The following RAD51B variants were observed in gnomAD, a reference collection of about 807,000 sequenced individuals.
The protein encoded by RAD51B is RAD51 paralog B.
Under a neutral mutation model 42.2 loss-of-function variants are expected in RAD51B, and 38 were observed. The ratio of observed to expected loss-of-function variants is 0.90; its 90% CI spans 0.70 to 1.18. The LOEUF (loss-of-function observed/expected upper bound fraction) is 1.18, where lower values mean the gene tolerates loss of function less well. Ranked by LOEUF, RAD51B falls within the 50% of genes most tolerant of loss-of-function variation. The pLI is 0.00. For synonymous variants in RAD51B, 154 were observed against 145.2 expected (o/e 1.06, Z -0.43); for missense variants, 373 against 400.7 (o/e 0.93, Z 0.59).
rs564253685 is a variant in RAD51B at position 68,298,091 on chromosome 14, C to T, written c.853+6111C>T. Among the ~76,000 whole-genome samples, 19 of 152,258 alleles carry T rather than the reference C, an allele frequency of 1.2e-4. No individual in the cohort carries two copies. The South Asian group carries it at 2.9e-3, about 23-fold the overall frequency. On this transcript the variant is annotated intron_variant, in intron 8 of 10. Coordinates refer to ENST00000471583, the MANE Select transcript of RAD51B (RefSeq NM_133510.4). ...ACTTGACTGGGCATATGTCTTCCAG[C>T]AGCTGTTCAGATGCCATGAAAGGCC...
intron 7 of RAD51B, among the ~76,000 whole-genome samples, chr14:68,092,161 A>C (rs1363527644): frequency 6.6e-6 from 1 of 152,206 alleles, no homozygotes; most frequent in Non-Finnish European, 1.5e-5. Context: ...CTTTTGGCTT[A>C]GGATTGACTT....
intron 10 of RAD51B, among the ~76,000 whole-genome samples, chr14:68,631,407 G>A (rs568084364): frequency 2.6e-5 from 4 of 152,298 alleles, no homozygotes; most frequent in Admixed American, 1.3e-4. Flanking sequence ...TGGTGGACCA[G>A]AGGGTTTTCA....
intron 11 of RAD51B, among the ~76,000 whole-genome samples, chr14:68,674,647 GA>G (rs1252532813): frequency 2.6e-5 from 4 of 152,126 alleles, no homozygotes; most frequent in Admixed American, 6.5e-5. Flanking sequence ...TCAGCATTCA[GA>G]AAAGAGTACT....
intron 8 of RAD51B, among the ~76,000 whole-genome samples, chr14:68,409,660 T>C (rs1359361356): frequency 2.0e-5 from 3 of 152,192 alleles, no homozygotes; most frequent in Non-Finnish European, 4.4e-5. Context: ...CAGGAGGTCA[T>C]GGGAGACCAT....
chr14:68,486,010 A>G (rs1883596354), intron 10 of RAD51B, among the ~76,000 whole-genome samples: 1 of 152,236 alleles, frequency 6.6e-6, no homozygotes. Context: ...TTCATTAGAT[A>G]CTATTACTTT....
chr14:68,039,927 A>G (rs1027397849), intron 7 of RAD51B, among the ~76,000 whole-genome samples: 1 of 152,238 alleles, frequency 6.6e-6, no homozygotes, highest in Non-Finnish European at 1.5e-5. Flanking sequence ...GAGAAACATC[A>G]TAATACTGGA....
chr14:68,048,427 C>T (rs2076338411), intron 7 of RAD51B, among the ~76,000 whole-genome samples: 1 of 152,144 alleles, frequency 6.6e-6, no homozygotes, highest in South Asian at 2.1e-4. Flanking sequence ...TTTTGCTGTG[C>T]AGAAGCTCTT....
intron 10 of RAD51B, among the ~76,000 whole-genome samples, chr14:68,534,111 T>C (rs1180315880): frequency 6.6e-6 from 1 of 152,076 alleles, no homozygotes; most frequent in Admixed American, 6.5e-5. Flanking sequence ...GGAGTAGAAA[T>C]ACTACAGAAG....
At chr14:67,941,525 C>T (rs1408818055) in intron 7 of RAD51B, among the ~76,000 whole-genome samples, 2 of 152,176 alleles carry the variant, frequency 1.3e-5, no homozygotes, top group Non-Finnish European at 2.9e-5. Context: ...GCCTCTGCCA[C>T]AAGCATTCTA....
chr14:68,005,939 A>AG (rs2075584080), intron 7 of RAD51B, among the ~76,000 whole-genome samples: 2 of 152,084 alleles, frequency 1.3e-5, no homozygotes, highest in Non-Finnish European at 2.9e-5. Flanking sequence ...GAGAGAGAGG[A>AG]GGGATGTGCT....
chr14:67,948,930 T>TTAAAAAAAAAA (rs2074386939), intron 7 of RAD51B, among the ~76,000 whole-genome samples: 1 of 23,980 alleles, frequency 4.2e-5, no homozygotes, highest in African/African-American at 3.1e-4. Flanking sequence ...AGACTCTGTC[T>TTAAAAAAAAAA]CAAAAAAAAA....
At chr14:67,893,491 CACACACACACACACACACAAAA>C (rs2043288373) in intron 7 of RAD51B, among the ~76,000 whole-genome samples, 1 of 76,754 alleles carries the variant, frequency 1.3e-5, no homozygotes, top group African/African-American at 7.6e-5. Context: ...CACACACACA[CACACACACACACACACACAAAA>C]AAAAACAATT....
chr14:67,893,835 G>T (rs2043316478), intron 7 of RAD51B, among the ~76,000 whole-genome samples: 1 of 152,020 alleles, frequency 6.6e-6, no homozygotes, highest in East Asian at 1.9e-4. Flanking sequence ...TAGTCATCTG[G>T]TCCCATACAT....
In RAD51B at chr14:68,268,949, A is replaced by G. The variant is rs940150738; in HGVS notation, c.757-22935A>G. ...CTGTTCAGATTCAACTATAGCAGCC[A>G]CAGTGTGATCAGACACCTTCTCCCC... On this transcript the variant is annotated intron_variant, in intron 7 of 10. Coordinates refer to ENST00000471583, the MANE Select transcript of RAD51B (RefSeq NM_133510.4). Among the ~76,000 whole-genome samples, 21 of 152,274 alleles carry G rather than the reference A, an allele frequency of 1.4e-4. No homozygotes were observed. In the South Asian group the frequency reaches 1.9e-3, roughly 14 times the overall value.
At chr14:67,901,276 G>C (rs2043604067) in intron 7 of RAD51B, among the ~76,000 whole-genome samples, 1 of 152,230 alleles carries the variant, frequency 6.6e-6, no homozygotes, top group Admixed American at 6.5e-5. Flanking sequence ...CGAATGTCAT[G>C]TTAATGGCAT....
chr14:68,089,194 T>TG lies in RAD51B; in HGVS notation c.756+201990_756+201991insG, dbSNP rs756803156. 2.6e-5 allele frequency among the ~76,000 whole-genome samples: 4 copies of TG among 152,286 alleles called. No homozygotes were observed. The East Asian group carries it at 7.7e-4, about 29-fold the overall frequency. On this transcript the variant is annotated intron_variant, in intron 7 of 10. Transcript: ENST00000471583. Reference sequence around the variant, plus strand: ...AGACAGTTCAAGTATCTAACTGCTGTTTCCTTTGTTCAAGTTGCTTTTGGT... The same window carrying TG: ...AGACAGTTCAAGTATCTAACTGCTGTGTTCCTTTGTTCAAGTTGCTTTTGGT...
chr14:67,876,762 G>C (rs1317186264), intron 5 of RAD51B, among the ~76,000 whole-genome samples: 1 of 152,212 alleles, frequency 6.6e-6, no homozygotes, highest in Non-Finnish European at 1.5e-5. Flanking sequence ...GACATTGAGA[G>C]TGGATGTAGG....
intron 7 of RAD51B, among the ~76,000 whole-genome samples, chr14:68,150,584 G>A (rs1313906836): frequency 6.6e-6 from 1 of 152,098 alleles, no homozygotes; most frequent in Non-Finnish European, 1.5e-5. Context: ...AGTCTAAATG[G>A]TATTGTGTTT....
intron 7 of RAD51B, among the ~76,000 whole-genome samples, chr14:68,087,997 A>T (rs1448669862): frequency 4.6e-5 from 6 of 130,214 alleles, no homozygotes; most frequent in Admixed American, 9.1e-5. Flanking sequence ...ATATATTATT[A>T]TATATAATTA....
Sources: allele counts gnomAD v4.1 joint callset (sites outside exome capture counted in the v4.1 genomes callset), GRCh38; gene constraint gnomAD v4.1.1; transcripts MANE v1.5; gene names NCBI Gene and HGNC (gene_info 2026-07-23, HGNC 2026-07-21).